PHRF1: variants seen among roughly 807,000 people sequenced by gnomAD.
The protein encoded by PHRF1 is PHD and ring finger domains 1.
Under a neutral mutation model 128.9 loss-of-function variants are expected in PHRF1, and 53 were observed. That is an observed-to-expected ratio of 0.41 (90% CI 0.33 to 0.52). PHRF1 has a LOEUF of 0.52. PHRF1 is among the 20% of genes least tolerant of loss of function. PHRF1 has a pLI of 0.21. For missense variants in PHRF1, 2,503 were observed against 2,284.5 expected, an observed-to-expected ratio of 1.10 and a Z score of -1.95; for synonymous variants, 1,178 against 980.6, an observed-to-expected ratio of 1.20 and a Z score of -3.76.
chr11:601,446 A>AAT, intron 9 of PHRF1, 128 bp from the exon 10 acceptor site: 1 of 1,289,362 alleles, frequency 7.8e-7, no homozygotes, highest in Non-Finnish European at 1.1e-6. Context: ...AAAAAAAAAA[A>AAT]TTGCAAGCCG....
chr11:606,901 TGAAG>T, intron 13 of PHRF1, 161 bp from the exon 14 acceptor site: 1 of 1,201,812 alleles, frequency 8.3e-7, no homozygotes, highest in East Asian at 2.5e-5. Context: ...GAGTGGCTGT[TGAAG>T]CAGCTCTCCG....
rs576127311 is a variant in PHRF1 at position 611,921 on chromosome 11, A to G, written c.*144A>G. On this transcript the variant is annotated 3_prime_UTR_variant, in exon 18 of 18. Transcript: ENST00000264555. ...GTGGCGGGAAATGGGGGGCATCACC[A>G]TGCCTGCCGTCGGGTTCCTGCGCTG... The G allele has an allele frequency of 1.6e-4, 211 of 1,344,934 alleles. 4 individuals carry two copies. In the South Asian group the frequency reaches 2.9e-3, roughly 18 times the overall value. 83.3% of individuals were successfully genotyped at this position (1,344,934 alleles called of 1,614,324 possible). A position where few individuals can be genotyped will look rare whatever the true frequency, so the allele number is the denominator to read the frequency against.
At position 597,160 on chromosome 11, in the gene PHRF1, G is replaced by A; in HGVS notation, c.718+140G>A. The A allele has an allele frequency of 9.8e-7, 1 of 1,020,140 alleles. No individual in the cohort carries two copies. 63.2% of individuals were successfully genotyped at this position (1,020,140 alleles called of 1,614,324 possible). A position where few individuals can be genotyped will look rare whatever the true frequency, so the allele number is the denominator to read the frequency against. On this transcript the variant is annotated intron_variant, in intron 7 of 17. Transcript: ENST00000264555. The surrounding 1 kb of genome is among the most constrained non-coding windows in gnomAD (Gnocchi z 6.5). ...GGGGTTAGGGTTGGCTGCGGTGTCG[G>A]GAGGACATCTAGGGCTGTCTCGGGC...
At chr11:595,866 T>C (rs2132977849) in intron 6 of PHRF1, among the ~76,000 whole-genome samples, 1 of 152,322 alleles carries the variant, frequency 6.6e-6, no homozygotes, top group Middle Eastern at 3.4e-3. Context: ...GGGACCTAGT[T>C]AGGCTCTTGG....
rs1281603139 is a variant in PHRF1 at position 607,996 on chromosome 11, C to T, written c.2540C>T (p.Pro847Leu). Reference sequence around the variant, plus strand: ...GACTCCAGCGCCCCTGGCAGCAGCCCCGAGAGGTCTGGCCCCGGCCTCCTG... The same window carrying T: ...GACTCCAGCGCCCCTGGCAGCAGCCTCGAGAGGTCTGGCCCCGGCCTCCTG... ...GSDSSAPGSS[P>L]ERSGPGLLPS... is the part of the protein sequence containing the mutation. Residue 847 changes from proline to leucine, a missense_variant, in exon 14 of 18, where the codon CCC becomes CTC. Coordinates refer to ENST00000264555, the MANE Select transcript of PHRF1 (RefSeq NM_001286581.2). 6.2e-7 allele frequency: 1 copy of T among 1,611,230 alleles called. No individual in the cohort carries two copies. Among genetic ancestry groups the T allele is most frequent in the South Asian group, 1.1e-5 (1 of 91,062 alleles).
At position 608,381 on chromosome 11, in the gene PHRF1, C is replaced by T. The variant is rs372886688; in HGVS notation, c.2925C>T (p.Asp975=). The change falls in exon 14 of 18, where the codon GAC becomes GAT. Residue 975 remains aspartate, a synonymous_variant. Transcript: ENST00000264555. ...AGCCGGAAGCCCCACCCAGCCCGGA[C>T]GTGCTGCAGGCTGCCACCCACAGAG... ...VVEPEAPPSP[D]VLQAATHRVV... The T allele has an allele frequency of 8.1e-5, 130 of 1,611,498 alleles. No homozygotes were observed. Among genetic ancestry groups the T allele is most frequent in the African/African-American group, 6.9e-4 (52 of 75,046 alleles).
At position 608,758 on chromosome 11, in the gene PHRF1, A is replaced by G. The variant is rs370989016; in HGVS notation, c.3302A>G (p.Tyr1101Cys). 34 of 1,611,406 alleles carry G rather than the reference A, an allele frequency of 2.1e-5. No individual in the cohort carries two copies. Among genetic ancestry groups the G allele is most frequent in the Non-Finnish European group, 2.6e-5 (31 of 1,179,578 alleles). Residue 1101 changes from tyrosine to cysteine, a missense_variant, in exon 14 of 18, where the codon TAT becomes TGT. By Grantham distance (194) the Tyr-to-Cys change is radical. Transcript: ENST00000264555. ...SRSGSPGSSS[Y>C]EHYESRKKKK... ...TCGGGGAGCCCTGGCAGCTCTTCCTATGAGCACTATGAGAGTAGGAAGAAG... is the reference window on the plus strand; with the variant it reads ...TCGGGGAGCCCTGGCAGCTCTTCCTGTGAGCACTATGAGAGTAGGAAGAAG...
chr11:601,512 A>T, intron 9 of PHRF1, 62 bp from the exon 10 acceptor site: 1 of 1,605,030 alleles, frequency 6.2e-7, no homozygotes, highest in Non-Finnish European at 8.5e-7. Flanking sequence ...GGCTGGACTC[A>T]CAGGAATGGG....
intron 4 of PHRF1, 31 bp from the exon 5 acceptor site, chr11:591,353 A>C (rs749208064): frequency 3.8e-6 from 6 of 1,566,412 alleles, no homozygotes; most frequent in Non-Finnish European, 5.2e-6. Context: ...AGTGATTGAC[A>C]AGATTCTGAT....
chr11:591,368 T>G lies in PHRF1; in HGVS notation c.421-16T>G. 1.3e-6 allele frequency: 2 copies of G among 1,594,948 alleles called. No homozygotes were observed. Among genetic ancestry groups the G allele is most frequent in the East Asian group, 4.5e-5 (2 of 44,276 alleles). Reference sequence around the variant, plus strand: ...AGTGATTGACAAGATTCTGATCCTGTTTTTATTTCTCACAGAATGCCAATT... The same window carrying G: ...AGTGATTGACAAGATTCTGATCCTGGTTTTATTTCTCACAGAATGCCAATT... On this transcript the variant is annotated splice_polypyrimidine_tract_variant and intron_variant, in intron 4 of 17. Transcript: ENST00000264555.
chr11:584,429 C>T (rs988690930), intron 3 of PHRF1, among the ~76,000 whole-genome samples: 3 of 152,130 alleles, frequency 2.0e-5, no homozygotes, highest in African/African-American at 4.8e-5. Flanking sequence ...GCAAACAGTG[C>T]GCCAAGCAGC....
At position 608,535 on chromosome 11, in the gene PHRF1, G is replaced by A. The variant is rs769875785; in HGVS notation, c.3079G>A (p.Asp1027Asn). 26 of 1,612,328 alleles carry A rather than the reference G, an allele frequency of 1.6e-5. No individual in the cohort carries two copies. The highest frequency in any genetic ancestry group is 1.2e-4 in the South Asian group (11 of 91,070). The change falls in exon 14 of 18, where the codon GAC becomes AAC. Residue 1027 changes from aspartate (D) to asparagine (N), a missense_variant. By Grantham distance (23) the Asp-to-Asn change is conservative. Transcript: ENST00000264555. ...TRSGTRSESRDRSSRSASPSV... is the reference protein window; with the variant it reads ...TRSGTRSESRNRSSRSASPSV... The stretch of plus-strand genomic sequence containing the variant: ...CTCTGGGACGCGCTCTGAATCCAGG[G>A]ACAGGAGCTCGAGGTCAGCGTCACC...
At position 606,457 on chromosome 11, in the gene PHRF1, C is replaced by T. The variant is rs568522716; in HGVS notation, c.1470C>T (p.Ala490=). The T allele has an allele frequency of 9.0e-6, 14 of 1,563,300 alleles. No individual in the cohort carries two copies. The highest frequency in any genetic ancestry group is 5.8e-5 in the South Asian group (5 of 85,636). The stretch of plus-strand genomic sequence containing the variant: ...GTGCCCACAGGAGGCGCCTCCCTGC[C>T]GCGGTGCCAGAGCCAGACTTGGAGG... ...SVGLSRRRLP[A]AVPEPDLEEE... Residue 490 remains alanine, a synonymous_variant, in exon 13 of 18, where the codon GCC becomes GCT. Transcript: ENST00000264555.
rs769598902 is a variant in PHRF1 at position 582,017 on chromosome 11, T to C, written c.150T>C (p.His50=). 9.9e-6 allele frequency: 16 copies of C among 1,608,438 alleles called. No individual in the cohort carries two copies. In the Admixed American group the frequency reaches 1.9e-4, roughly 19 times the overall value. The change falls in exon 3 of 18, where the codon CAT becomes CAC. Residue 50 remains histidine (H), a synonymous_variant. Coordinates refer to ENST00000264555, the MANE Select transcript of PHRF1 (RefSeq NM_001286581.2). Reference sequence around the variant, plus strand: ...CTGGGGACGACAGTGACAGCGAGCATGGAGATGGCACAGACGGAGAAGACG... The same window carrying C: ...CTGGGGACGACAGTGACAGCGAGCACGGAGATGGCACAGACGGAGAAGACG... ...GDSGDDSDSE[H]GDGTDGEDEG...
chr11:594,112 G>T (rs947603550), intron 6 of PHRF1, among the ~76,000 whole-genome samples: 16 of 151,088 alleles, frequency 1.1e-4, no homozygotes, highest in Admixed American at 9.9e-4. Context: ...TGCTTAAAAA[G>T]AAAAAAAAAG....
intron 9 of PHRF1, among the ~76,000 whole-genome samples, chr11:599,588 C>T (rs117818025): frequency 0.013 from 2,036 of 152,206 alleles, 20 homozygotes; most frequent in South Asian, 0.038. Flanking sequence ...TGAATGCACT[C>T]GCTTTAGTGT....
Position 587,301 on chromosome 11 carries a change from T to A in PHRF1, c.257T>A (p.Val86Glu). ...SEDDGETLLE[V>E]AGTQGKLEAA... ...GACGACGGGGAGACATTGCTGGAGG[T>A]AGCGGGTACTCAGGGGAAACTGGAA... Residue 86 changes from valine to glutamate, a missense_variant, in exon 4 of 18, where the codon GTA (valine) becomes GAA (glutamate). Physicochemically the swap from Val to Glu is moderately radical, Grantham distance 121. Coordinates refer to ENST00000264555, the MANE Select transcript of PHRF1 (RefSeq NM_001286581.2). 1 of 1,613,602 alleles carries A rather than the reference T, an allele frequency of 6.2e-7. No individual in the cohort carries two copies. Among genetic ancestry groups the A allele is most frequent in the Non-Finnish European group, 8.5e-7 (1 of 1,179,884 alleles).
intron 9 of PHRF1, among the ~76,000 whole-genome samples, chr11:601,014 G>T (rs892190246): frequency 6.6e-6 from 1 of 152,084 alleles, no homozygotes; most frequent in Non-Finnish European, 1.5e-5. Context: ...AGCTGGGTGT[G>T]GTGGCACATG....
chr11:581,456 A>G, intron 1 of PHRF1, 36 bp from the exon 2 acceptor site: 1 of 1,589,642 alleles, frequency 6.3e-7, no homozygotes, highest in Non-Finnish European at 8.6e-7. Context: ...GCAGCCTGGG[A>G]CAGTTTGGAA....
Sources: allele counts gnomAD v4.1 joint callset (sites outside exome capture counted in the v4.1 genomes callset), GRCh38; gene constraint gnomAD v4.1.1; non-coding constraint Gnocchi (gnomAD v3.1); transcripts MANE v1.5; gene names NCBI Gene and HGNC (gene_info 2026-07-23, HGNC 2026-07-21).